MYO1E: variants seen among roughly 807,000 people sequenced by gnomAD.
MYO1E encodes myosin IE.
Under a neutral mutation model 151.1 loss-of-function variants are expected in MYO1E, and 68 were observed. The ratio of observed to expected loss-of-function variants is 0.45; its 90% CI spans 0.37 to 0.55. The LOEUF (loss-of-function observed/expected upper bound fraction) is 0.55. Ranked by LOEUF, MYO1E falls within the 20% of genes least tolerant of loss-of-function variation. The pLI, the probability that MYO1E is intolerant of heterozygous loss-of-function variation, is 0.00. For missense variants in MYO1E, 1,363 were observed against 1,389.3 expected (o/e 0.98, Z 0.30); for synonymous variants, 601 against 501.7 (o/e 1.20, Z -2.64).
intron 1 of MYO1E, among the ~76,000 whole-genome samples, chr15:59,306,793 A>T (rs904343889): frequency 7.2e-5 from 11 of 152,228 alleles, no homozygotes; most frequent in African/African-American, 2.7e-4. Flanking sequence ...CACGTTATCA[A>T]CAAGGAGCCA....
intron 16 of MYO1E, among the ~76,000 whole-genome samples, chr15:59,196,888 G>C (rs547109935): frequency 1.3e-5 from 2 of 151,888 alleles, no homozygotes; most frequent in East Asian, 3.9e-4. Flanking sequence ...AGGGACTGCA[G>C]GGTTGAATAT....
intron 1 of MYO1E, among the ~76,000 whole-genome samples, chr15:59,304,345 C>T (rs1304152130): frequency 3.3e-5 from 5 of 152,124 alleles, no homozygotes; most frequent in African/African-American, 1.2e-4. Context: ...ACATATAAAG[C>T]AAAAGGCAGG....
At chr15:59,337,268 T>G (rs1164461869) in intron 1 of MYO1E, among the ~76,000 whole-genome samples, 7 of 152,196 alleles carry the variant, frequency 4.6e-5, no homozygotes, top group Admixed American at 3.9e-4. Flanking sequence ...AATTTTTAAG[T>G]TTCCTAAGTT....
At chr15:59,335,182 T>C (rs535195426) in intron 1 of MYO1E, among the ~76,000 whole-genome samples, 23 of 152,338 alleles carry the variant, frequency 1.5e-4, no homozygotes, top group African/African-American at 5.5e-4. Context: ...CTCATGGCTT[T>C]ATATTTTTAT....
chr15:59,188,589 G>A (rs978268614), intron 17 of MYO1E, among the ~76,000 whole-genome samples: 4 of 152,070 alleles, frequency 2.6e-5, no homozygotes, highest in Admixed American at 6.6e-5. Context: ...CCAGCTACTC[G>A]GGAGGCTGAG....
chr15:59,195,294 C>T (rs565588691), intron 17 of MYO1E, among the ~76,000 whole-genome samples, 167 bp downstream of exon 17: 17 of 152,250 alleles, frequency 1.1e-4, no homozygotes, highest in African/African-American at 3.1e-4. Flanking sequence ...GCAAATGACA[C>T]GGAGGGGAAA....
intron 1 of MYO1E, among the ~76,000 whole-genome samples, chr15:59,282,610 C>T (rs2080359160): frequency 6.6e-6 from 1 of 151,486 alleles, no homozygotes; most frequent in South Asian, 2.1e-4. Context: ...CTTTGGGAGG[C>T]CAAGGAGGGA....
chr15:59,355,007 C>A (rs1307470709), intron 1 of MYO1E, among the ~76,000 whole-genome samples: 3 of 152,162 alleles, frequency 2.0e-5, no homozygotes, highest in Admixed American at 2.0e-4. Context: ...TAGTTGTCTC[C>A]TTTAATCCGC....
chr15:59,242,178 T>C (rs2080103845), intron 4 of MYO1E, among the ~76,000 whole-genome samples: 1 of 152,236 alleles, frequency 6.6e-6, no homozygotes, highest in African/African-American at 2.4e-5. Context: ...ACAGAACAAC[T>C]GATATATTAT....
At chr15:59,188,030 C>A (rs997743784) in intron 18 of MYO1E, 88 bp downstream of exon 18, 1 of 979,156 alleles carries the variant, frequency 1.0e-6, no homozygotes, top group African/African-American at 1.6e-5. Context: ...GCCATTGACT[C>A]GTACGCTTGA....
chr15:59,273,292 G>A (rs1456269797), intron 1 of MYO1E, among the ~76,000 whole-genome samples: 1 of 152,180 alleles, frequency 6.6e-6, no homozygotes, highest in East Asian at 1.9e-4. Flanking sequence ...TTCTGTAGTG[G>A]GGTCCCCCAT....
At chr15:59,297,798 T>C (rs1395920367) in intron 1 of MYO1E, among the ~76,000 whole-genome samples, 1 of 151,952 alleles carries the variant, frequency 6.6e-6, no homozygotes, top group East Asian at 1.9e-4. Context: ...CCCGGGTTGG[T>C]CTTGAACTCC....
chr15:59,290,905 A>G (rs1485419726), intron 1 of MYO1E, among the ~76,000 whole-genome samples: 2 of 152,234 alleles, frequency 1.3e-5, no homozygotes, highest in African/African-American at 4.8e-5. Flanking sequence ...ATCTCAAAGC[A>G]GTAATAGTAA....
chr15:59,187,484 A>C (rs1248043087), intron 18 of MYO1E, among the ~76,000 whole-genome samples: 3 of 152,242 alleles, frequency 2.0e-5, no homozygotes, highest in African/African-American at 7.2e-5. Flanking sequence ...TGGTGGTACA[A>C]AATGTGAAGT....
At chr15:59,175,180 G>T (rs1470867107) in intron 19 of MYO1E, among the ~76,000 whole-genome samples, 2 of 152,172 alleles carry the variant, frequency 1.3e-5, no homozygotes, top group Non-Finnish European at 2.9e-5. Flanking sequence ...GCTCTGCCAG[G>T]CTCCTCCTCA....
chr15:59,287,897 C>T (rs560393535), intron 1 of MYO1E, among the ~76,000 whole-genome samples: 5 of 152,266 alleles, frequency 3.3e-5, no homozygotes, highest in African/African-American at 1.2e-4. Flanking sequence ...TCAGAAAATG[C>T]GTGAATGAAT....
intron 1 of MYO1E, among the ~76,000 whole-genome samples, chr15:59,274,843 G>A (rs907560631): frequency 6.6e-6 from 1 of 152,140 alleles, no homozygotes; most frequent in Non-Finnish European, 1.5e-5. Flanking sequence ...TCACGGTAGA[G>A]TTCATTGATT....
intron 1 of MYO1E, among the ~76,000 whole-genome samples, chr15:59,318,454 A>C (rs1283769012): frequency 5.3e-5 from 8 of 152,202 alleles, no homozygotes; most frequent in African/African-American, 1.9e-4. Context: ...TTGTCAAAGC[A>C]AGTGGTCATG....
intron 7 of MYO1E, among the ~76,000 whole-genome samples, 160 bp downstream of exon 7, chr15:59,227,299 G>C (rs1232315731): frequency 2.6e-5 from 4 of 152,186 alleles, no homozygotes; most frequent in African/African-American, 7.2e-5. Context: ...CACTCTCCTT[G>C]AGGGCAGGAC....
Sources: gnomAD v4.1 joint callset for allele counts (sites outside exome capture counted in the v4.1 genomes callset) on GRCh38, gnomAD v4.1.1 for gene constraint, MANE v1.5 for transcripts, NCBI Gene and HGNC (gene_info 2026-07-23, HGNC 2026-07-21) for gene names.